Variants in NXPE2 observed in about 807,000 individuals in gnomAD.
NXPE2 encodes neurexophilin and PC-esterase domain family member 2.
Under a neutral mutation model 34.4 loss-of-function variants are expected in NXPE2, and 34 were observed. The observed-to-expected ratio is 0.99, with a 90% confidence interval of 0.75 to 1.31. NXPE2 has a LOEUF of 1.31. Among genes scored for constraint, NXPE2 ranks in the 40% most tolerant of loss-of-function variants. NXPE2 has a pLI of 0.00. For synonymous variants in NXPE2, 235 were observed against 231.3 expected (o/e 1.02, Z -0.15); for missense variants, 649 against 672.5 (o/e 0.97, Z 0.39).
chr11:114,601,784 A>ATTATATATAATTATAAT, the NXPE2 span, among the ~76,000 whole-genome samples: 1 of 72,224 alleles, frequency 1.4e-5, no homozygotes, highest in African/African-American at 5.8e-5. Context: ...ATAATTATAT[A>ATTATATATAATTATAAT]ACATGTGATA....
chr11:114,599,589 C>A, the NXPE2 span, among the ~76,000 whole-genome samples: 2 of 152,140 alleles, frequency 1.3e-5, no homozygotes, highest in Non-Finnish European at 2.9e-5. Flanking sequence ...GTTCCACAGG[C>A]TATACAGGGA....
At chr11:114,532,008 A>T in the NXPE2 span, among the ~76,000 whole-genome samples, 1 of 152,222 alleles carries the variant, frequency 6.6e-6, no homozygotes, top group African/African-American at 2.4e-5. Context: ...GTTTTCCAAA[A>T]GCCTCAAAAG....
the NXPE2 span, among the ~76,000 whole-genome samples, chr11:114,651,494 A>C: frequency 1.3e-5 from 2 of 152,180 alleles, no homozygotes; most frequent in East Asian, 3.9e-4. Context: ...TATTGCAAAG[A>C]GCAAAAGAAC....
At chr11:114,609,257 T>C in the NXPE2 span, among the ~76,000 whole-genome samples, 2 of 151,984 alleles carry the variant, frequency 1.3e-5, no homozygotes, top group Admixed American at 1.3e-4. Flanking sequence ...CAGTGGTTAA[T>C]AAGTATTGCC....
chr11:114,521,594 T>A, the NXPE2 span: 1 of 172,742 alleles, frequency 5.8e-6, no homozygotes, highest in Non-Finnish European at 1.2e-5. Context: ...TCGGAGTGAT[T>A]ATTGCTAATG....
chr11:114,622,439 G>A, the NXPE2 span, among the ~76,000 whole-genome samples: 310 of 152,044 alleles, frequency 2.0e-3, 2 homozygotes, highest in African/African-American at 5.6e-3. Context: ...TGCCTTCTGC[G>A]TAACCACTGT....
chr11:114,502,927 G>A, the NXPE2 span, among the ~76,000 whole-genome samples: 1 of 152,192 alleles, frequency 6.6e-6, no homozygotes, highest in Non-Finnish European at 1.5e-5. Flanking sequence ...TTTAGCCACT[G>A]GGAGTGGCTA....
chr11:114,617,147 G>A, the NXPE2 span, among the ~76,000 whole-genome samples: 76 of 151,728 alleles, frequency 5.0e-4, no homozygotes, highest in Non-Finnish European at 7.7e-4. Flanking sequence ...AATAAGTGAC[G>A]TTTTGTGGGT....
chr11:114,511,338 C>T, the NXPE2 span, among the ~76,000 whole-genome samples: 1 of 152,222 alleles, frequency 6.6e-6, no homozygotes, highest in African/African-American at 2.4e-5. Flanking sequence ...GTCTTCTTGC[C>T]TGGAACACAG....
chr11:114,522,728 A>G, the NXPE2 span: 1 of 676,034 alleles, frequency 1.5e-6, no homozygotes, highest in South Asian at 2.0e-5. Flanking sequence ...TTATGAAAGA[A>G]GGAATAAAAT....
the NXPE2 span, among the ~76,000 whole-genome samples, chr11:114,811,068 A>ACTTGTGATAGT: frequency 6.6e-6 from 1 of 151,848 alleles, no homozygotes; most frequent in Admixed American, 6.6e-5. Context: ...CATCATTCTC[A>ACTTGTGATAGT]GCAAACTATC....
intron 2 of NXPE2, among the ~76,000 whole-genome samples, chr11:114,688,260 T>C (rs1951083771): frequency 6.6e-6 from 1 of 152,088 alleles, no homozygotes; most frequent in Non-Finnish European, 1.5e-5. Context: ...TATGTTCCTT[T>C]GATACCTAGT....
chr11:114,803,848 G>A, the NXPE2 span, among the ~76,000 whole-genome samples: 20 of 151,906 alleles, frequency 1.3e-4, no homozygotes, highest in East Asian at 7.8e-4. Context: ...AAAATGCTGC[G>A]ATTACAGGCA....
chr11:114,743,085 T>G, the NXPE2 span, among the ~76,000 whole-genome samples: 1 of 122,594 alleles, frequency 8.2e-6, no homozygotes, highest in Non-Finnish European at 1.8e-5. Flanking sequence ...CAATAAATAT[T>G]CAAGCAACTT....
intron 2 of NXPE2, among the ~76,000 whole-genome samples, chr11:114,689,169 G>A (rs1951103780): frequency 6.6e-6 from 1 of 151,918 alleles, no homozygotes; most frequent in South Asian, 2.1e-4. Flanking sequence ...TCCTTTAGGT[G>A]TGAAGTTAGG....
At chr11:114,737,914 C>T in the NXPE2 span, among the ~76,000 whole-genome samples, 2 of 151,612 alleles carry the variant, frequency 1.3e-5, no homozygotes, top group African/African-American at 4.9e-5. Flanking sequence ...GAAACCCTGT[C>T]TCTACTAAAA....
chr11:114,633,271 GTAT>G, the NXPE2 span, among the ~76,000 whole-genome samples: 51 of 132,900 alleles, frequency 3.8e-4, 1 homozygote, highest in South Asian at 1.8e-3. Context: ...ATGTTATATA[GTAT>G]TATGTTATAT....
the NXPE2 span, among the ~76,000 whole-genome samples, chr11:114,666,110 C>A: frequency 3.3e-5 from 5 of 152,116 alleles, no homozygotes; most frequent in African/African-American, 1.2e-4. Context: ...TGATGACTCT[C>A]CACATCTTTA....
chr11:114,510,292 A>G, the NXPE2 span, among the ~76,000 whole-genome samples: 2 of 152,100 alleles, frequency 1.3e-5, no homozygotes, highest in African/African-American at 4.8e-5. Context: ...CAGTGGTGTG[A>G]TCATAGTCAT....
Sources: allele counts gnomAD v4.1 joint callset (sites outside exome capture counted in the v4.1 genomes callset), GRCh38; gene constraint gnomAD v4.1.1; transcripts MANE v1.5; gene names NCBI Gene and HGNC (gene_info 2026-07-23, HGNC 2026-07-21).